Variants in BLTP1 observed in about 807,000 individuals in gnomAD.
BLTP1 encodes fragile site-associated protein.
At chr4:122,328,645 AAAG>A in the BLTP1 span, 1 of 982,878 alleles carries the variant, frequency 1.0e-6, no homozygotes, top group Non-Finnish European at 1.2e-6. Context: ...CGAGTAAATT[AAAG>A]GAGAGGGCTG....
the BLTP1 span, chr4:122,219,088 G>T: frequency 1.0e-6 from 1 of 953,316 alleles, no homozygotes; most frequent in Non-Finnish European, 1.2e-6. Flanking sequence ...TGTAATTGGG[G>T]CAATGCCATG....
At chr4:122,297,790 A>G in the BLTP1 span, among the ~76,000 whole-genome samples, 793 of 152,338 alleles carry the variant, frequency 5.2e-3, 11 homozygotes, top group African/African-American at 0.017. Context: ...CGTTATCCCC[A>G]GCATACTAAT....
At chr4:122,212,519 T>C in the BLTP1 span, among the ~76,000 whole-genome samples, 1 of 152,156 alleles carries the variant, frequency 6.6e-6, no homozygotes, top group Admixed American at 6.5e-5. Context: ...GTGAAGGTAG[T>C]CATAGTGATA....
chr4:122,230,197 T>C, the BLTP1 span: 1 of 1,613,344 alleles, frequency 6.2e-7, no homozygotes, highest in Non-Finnish European at 8.5e-7. Flanking sequence ...AAACTCATGA[T>C]GCCAGAACTA....
the BLTP1 span, chr4:122,339,119 A>C: frequency 7.1e-7 from 1 of 1,412,356 alleles, no homozygotes; most frequent in Non-Finnish European, 9.6e-7. Context: ...ATGTTTCTTA[A>C]GTTTATTTGA....
chr4:122,293,059 A>T, the BLTP1 span: 1 of 940,604 alleles, frequency 1.1e-6, no homozygotes, highest in Non-Finnish European at 1.3e-6. Context: ...TCAGAAAAAT[A>T]TGAGGCTAGC....
At chr4:122,339,198 T>TCA in the BLTP1 span, 1 of 1,610,656 alleles carries the variant, frequency 6.2e-7, no homozygotes, top group Non-Finnish European at 8.5e-7. Context: ...TGCTGTCTGT[T>TCA]ATTTTTAGCC....
chr4:122,202,047 T>C, the BLTP1 span: 1 of 197,568 alleles, frequency 5.1e-6, no homozygotes, highest in Non-Finnish European at 9.1e-6. Flanking sequence ...CTAATTTTGC[T>C]ATTACTAGAG....
the BLTP1 span, chr4:122,325,986 A>C: frequency 2.4e-6 from 1 of 417,088 alleles, no homozygotes; most frequent in Non-Finnish European, 4.5e-6. Context: ...TACTTTCAAA[A>C]TATCTTCCTC....
the BLTP1 span, chr4:122,267,688 A>G: frequency 4.8e-6 from 4 of 827,934 alleles, no homozygotes; most frequent in Admixed American, 2.5e-4. Context: ...TAGCATGGTA[A>G]AAGTTAAGAA....
At chr4:122,254,087 C>T in the BLTP1 span, 3 of 1,011,292 alleles carry the variant, frequency 3.0e-6, no homozygotes, top group Non-Finnish European at 4.3e-6. Context: ...TAAAGACTTT[C>T]CCAGACTTGA....
the BLTP1 span, chr4:122,237,424 C>T: frequency 1.1e-6 from 1 of 894,256 alleles, no homozygotes; most frequent in African/African-American, 1.8e-5. Context: ...GTGTATGAGG[C>T]ATTATTCTAG....
the BLTP1 span, among the ~76,000 whole-genome samples, chr4:122,193,068 C>G: frequency 6.6e-6 from 1 of 152,172 alleles, no homozygotes; most frequent in South Asian, 2.1e-4. Context: ...TGTGGTCTTT[C>G]CCTTGTGTAC....
chr4:122,253,646 A>G, the BLTP1 span, among the ~76,000 whole-genome samples: 1 of 152,180 alleles, frequency 6.6e-6, no homozygotes, highest in Non-Finnish European at 1.5e-5. Flanking sequence ...GCATGCCTAC[A>G]AGATCTAGAA....
chr4:122,204,806 C>G, the BLTP1 span: 76 of 794,966 alleles, frequency 9.6e-5, no homozygotes, highest in Middle Eastern at 5.9e-3. Flanking sequence ...ATAGAGTCAG[C>G]CTAGTTAGGT....
At chr4:122,183,259 C>A in the BLTP1 span, 4 of 484,344 alleles carry the variant, frequency 8.3e-6, no homozygotes, top group Non-Finnish European at 1.1e-5. Flanking sequence ...TCACTTGAGC[C>A]ATGGAGATTG....
the BLTP1 span, chr4:122,354,167 T>C: frequency 3.0e-6 from 2 of 667,398 alleles, no homozygotes; most frequent in Admixed American, 5.7e-5. Flanking sequence ...TAATAATTAT[T>C]TAATACCACC....
chr4:122,331,088 C>T, the BLTP1 span: 1 of 964,846 alleles, frequency 1.0e-6, no homozygotes, highest in Non-Finnish European at 1.2e-6. Flanking sequence ...GATATTCAGA[C>T]TCCTTAAAAG....
At chr4:122,271,855 C>A in the BLTP1 span, 2 of 722,910 alleles carry the variant, frequency 2.8e-6, no homozygotes, top group Admixed American at 3.1e-5. Flanking sequence ...TTGTCTATCA[C>A]CAGGGAAATA....
Sources: gnomAD v4.1 joint callset for allele counts (sites outside exome capture counted in the v4.1 genomes callset) on GRCh38, gnomAD v4.1.1 for gene constraint, MANE v1.5 for transcripts, NCBI Gene and HGNC (gene_info 2026-07-23, HGNC 2026-07-21) for gene names.